Variants in PCLO observed in about 807,000 individuals in gnomAD.
The protein encoded by PCLO is piccolo presynaptic cytomatrix protein.
A neutral mutation model predicts 427.5 loss-of-function variants in PCLO; 82 were observed. The ratio of observed to expected loss-of-function variants is 0.19; its 90% CI spans 0.16 to 0.23. The LOEUF (loss-of-function observed/expected upper bound fraction) is 0.23, where lower values mean the gene tolerates loss of function less well. Among genes scored for constraint, PCLO ranks in the 10% least tolerant of loss-of-function variants. The pLI is 1.00. For synonymous variants in PCLO, 2,357 were observed against 2,155.4 expected, an observed-to-expected ratio of 1.09 and a Z score of -2.59; for missense variants, 6,239 against 6,115.9, an observed-to-expected ratio of 1.02 and a Z score of -0.67.
At chr7:82,855,542 A>C (rs142063963) in intron 10 of PCLO, among the ~76,000 whole-genome samples, 1 of 152,284 alleles carries the variant, frequency 6.6e-6, no homozygotes, top group East Asian at 1.9e-4. Context: ...ATAATTTGGA[A>C]ATTTTATTAA....
At chr7:83,148,105 C>G (rs909205857) in intron 2 of PCLO, among the ~76,000 whole-genome samples, 2 of 152,178 alleles carry the variant, frequency 1.3e-5, no homozygotes, top group African/African-American at 4.8e-5. Context: ...AAGAAAACAT[C>G]TCAGAGTTAT....
chr7:83,035,990 C>T (rs1788785146), intron 3 of PCLO, among the ~76,000 whole-genome samples: 1 of 152,146 alleles, frequency 6.6e-6, no homozygotes, highest in Admixed American at 6.5e-5. Context: ...TGAGTCTATA[C>T]ATTACCTTCT....
chr7:82,805,422 T>G (rs1358141594), intron 21 of PCLO, among the ~76,000 whole-genome samples: 3 of 152,228 alleles, frequency 2.0e-5, no homozygotes, highest in Non-Finnish European at 4.4e-5. Flanking sequence ...TATTCTGGCA[T>G]GGCTAAGTGA....
intron 8 of PCLO, among the ~76,000 whole-genome samples, chr7:82,905,339 G>A (rs955536891): frequency 6.6e-6 from 1 of 151,906 alleles, no homozygotes; most frequent in African/African-American, 2.4e-5. Context: ...CTTCACACAC[G>A]GAAGACAGAT....
chr7:82,887,727 C>T (rs73385935), intron 9 of PCLO, among the ~76,000 whole-genome samples: 14,926 of 152,138 alleles, frequency 0.098, 2,451 homozygotes, highest in African/African-American at 0.34. Flanking sequence ...AGGAAGAAAT[C>T]GTGATTTCAG....
intron 18 of PCLO, among the ~76,000 whole-genome samples, chr7:82,826,173 T>G (rs762690961): frequency 2.0e-4 from 30 of 151,920 alleles, no homozygotes; most frequent in African/African-American, 7.2e-4. Flanking sequence ...CTTCTTAAAA[T>G]GTTTTCAGTG....
chr7:82,949,500 A>G lies in PCLO; in HGVS notation c.11088T>C (p.Pro3696=). The change falls in exon 6 of 25, where the codon CCT becomes CCC. Residue 3696 remains proline, a synonymous_variant. Transcript: ENST00000333891. Reference sequence around the variant, plus strand: ...CCGTATAGCCCTCGGTATACTGAAAAGGAGCCCTGGAACTTTCGTCTGCTG... The same window carrying G: ...CCGTATAGCCCTCGGTATACTGAAAGGGAGCCCTGGAACTTTCGTCTGCTG... ...SPTADESSRA[P]FQYTEGYTTK... The G allele has an allele frequency of 6.2e-7, 1 of 1,608,002 alleles. No individual in the cohort carries two copies. The highest frequency in any genetic ancestry group is 8.5e-7 in the Non-Finnish European group (1 of 1,177,202).
At chr7:83,087,402 C>T (rs1271165480) in intron 3 of PCLO, among the ~76,000 whole-genome samples, 2 of 151,606 alleles carry the variant, frequency 1.3e-5, no homozygotes, top group African/African-American at 4.9e-5. Flanking sequence ...TTCACCACCA[C>T]TATGCAATTC....
chr7:82,775,309 G>A (rs1377524018), intron 22 of PCLO, among the ~76,000 whole-genome samples: 3 of 152,036 alleles, frequency 2.0e-5, no homozygotes, highest in African/African-American at 7.2e-5. Flanking sequence ...GTATAAAATC[G>A]CCAAACTGTT....
intron 3 of PCLO, among the ~76,000 whole-genome samples, chr7:83,133,768 AT>A (rs1261681747): frequency 6.6e-6 from 1 of 152,028 alleles, no homozygotes; most frequent in African/African-American, 2.4e-5. Flanking sequence ...AACATAGTAG[AT>A]TTTATGGTGT....
At chr7:83,132,895 T>G (rs983742674) in intron 3 of PCLO, among the ~76,000 whole-genome samples, 1 of 151,550 alleles carries the variant, frequency 6.6e-6, no homozygotes, top group African/African-American at 2.4e-5. Context: ...TCTAAAAGTG[T>G]TTTTTTTAAG....
chr7:83,055,899 C>G (rs1789366953), intron 3 of PCLO, among the ~76,000 whole-genome samples: 1 of 152,096 alleles, frequency 6.6e-6, no homozygotes, highest in Non-Finnish European at 1.5e-5. Flanking sequence ...TGCTTCAAGA[C>G]ATCCAACTTC....
At chr7:83,030,756 G>A (rs1788646551) in intron 3 of PCLO, among the ~76,000 whole-genome samples, 4 of 152,160 alleles carry the variant, frequency 2.6e-5, no homozygotes, top group Admixed American at 2.6e-4. Context: ...TGCAAAATGG[G>A]AGGAGGCCTT....
intron 10 of PCLO, among the ~76,000 whole-genome samples, chr7:82,848,031 C>G (rs79892478): frequency 2.0e-3 from 311 of 152,136 alleles, no homozygotes; most frequent in African/African-American, 7.2e-3. Flanking sequence ...TCCTCTCTAT[C>G]TAGAAAGATA....
At chr7:82,816,230 ATAAC>A (rs751205394) in intron 20 of PCLO, among the ~76,000 whole-genome samples, 15 of 152,228 alleles carry the variant, frequency 9.9e-5, no homozygotes, top group East Asian at 9.7e-4. Flanking sequence ...AAGTGGAAAA[ATAAC>A]TAAGCATTTC....
intron 2 of PCLO, among the ~76,000 whole-genome samples, chr7:83,145,260 G>A (rs1356963577): frequency 6.6e-6 from 1 of 152,128 alleles, no homozygotes; most frequent in Non-Finnish European, 1.5e-5. Flanking sequence ...AAAGAAGTAT[G>A]AATCAATGTA....
rs765509821 is a variant in PCLO at position 83,162,412 on chromosome 7, A to T, written c.181T>A (p.Ser61Thr). 3.8e-6 allele frequency: 6 copies of T among 1,598,388 alleles called. No homozygotes were observed. Among genetic ancestry groups the T allele is most frequent in the African/African-American group, 1.3e-5 (1 of 74,660 alleles). ...EERRQIAAVM[S>T]RAQGLPKGSV... ...CCCTTGGGCAGCCCCTGCGCCCTTG[A>T]CATGACAGCGGCGATCTGTCTCCTC... is the stretch of plus-strand genomic sequence containing the variant. Residue 61 changes from serine to threonine, a missense_variant, in exon 1 of 25, where the codon TCA becomes ACA. Ser to Thr is a moderately conservative substitution (Grantham distance 58). Transcript: ENST00000333891.
At chr7:82,775,006 T>A (rs549851717) in intron 22 of PCLO, among the ~76,000 whole-genome samples, 3 of 152,320 alleles carry the variant, frequency 2.0e-5, no homozygotes, top group Admixed American at 6.5e-5. Context: ...ATAGATTTTT[T>A]AGATTTTTTT....
At chr7:83,086,989 G>A (rs1379225876) in intron 3 of PCLO, among the ~76,000 whole-genome samples, 1 of 142,318 alleles carries the variant, frequency 7.0e-6, no homozygotes, top group Non-Finnish European at 1.5e-5. Flanking sequence ...AACACCGCAT[G>A]TTCTCACTCA....
Sources: allele counts gnomAD v4.1 joint callset (sites outside exome capture counted in the v4.1 genomes callset), GRCh38; gene constraint gnomAD v4.1.1; transcripts MANE v1.5; gene names NCBI Gene and HGNC (gene_info 2026-07-23, HGNC 2026-07-21).